The following DLST variants were observed in gnomAD, a reference collection of about 807,000 sequenced individuals.
The protein encoded by DLST is dihydrolipoamide S-succinyltransferase.
DLST carries 17 observed loss-of-function variants against 53.1 expected under a neutral mutation model. The ratio of observed to expected loss-of-function variants is 0.32; its 90% confidence interval spans 0.22 to 0.48. The LOEUF (loss-of-function observed/expected upper bound fraction) is 0.48. Among genes scored for constraint, DLST ranks in the 20% least tolerant of loss-of-function variants. The probability of loss-of-function intolerance (pLI) is 0.99; values close to 1 mark genes in which losing one functional copy is unlikely to be tolerated. For missense variants in DLST, 512 were observed against 583.9 expected (o/e 0.88, Z 1.27); for synonymous variants, 206 against 204.8 (o/e 1.01, Z -0.05).
chr14:74,893,382 A>G lies in DLST; in HGVS notation c.630A>G (p.Leu210=). The stretch of plus-strand genomic sequence containing the variant: ...TAAAACCCACTGTTGCCCCACCACT[A>G]GCTGAGCCAGGAGCTGGCAAAGGTC... ...SAVKPTVAPP[L]AEPGAGKGLR... Residue 210 remains leucine (L), a synonymous_variant, in exon 9 of 15, where the codon CTA becomes CTG. Transcript: ENST00000334220. 2 of 1,614,212 alleles carry G rather than the reference A, an allele frequency of 1.2e-6. No individual in the cohort carries two copies. Among genetic ancestry groups the G allele is most frequent in the Non-Finnish European group, 1.7e-6 (2 of 1,180,030 alleles).
In DLST at chr14:74,900,389, T is replaced by C. The variant is rs766138841; in HGVS notation, c.1059+17T>C. On this transcript the variant is annotated intron_variant, in intron 13 of 14. Transcript: ENST00000334220. ...GGAGAGAAGGTAAAGTAGAAAGATG[T>C]ATACAAGCTGCTAAGCAGGCGAGGG... 40 of 1,609,226 alleles carry C rather than the reference T, an allele frequency of 2.5e-5. No homozygotes were observed. The highest frequency in any genetic ancestry group is 3.4e-5 in the Non-Finnish European group (40 of 1,175,912).
chr14:74,893,023 A>T (rs1289106686), intron 8 of DLST, 37 bp downstream of exon 8: 6 of 1,593,548 alleles, frequency 3.8e-6, no homozygotes, highest in Non-Finnish European at 5.1e-6. Context: ...GTGGGAGAAC[A>T]TCTCGTCTAA....
At chr14:74,894,272 G>A in intron 9 of DLST, 40 bp from the exon 10 acceptor site, 17 of 1,610,594 alleles carry the variant, frequency 1.1e-5, no homozygotes, top group Non-Finnish European at 1.4e-5. Flanking sequence ...TTGACCCAGA[G>A]AGATCAGATT....
rs368770595 is a variant in DLST, at chr14:74,893,071, G to C, written c.595+85G>C. Reference sequence around the variant, plus strand: ...AAGGGTAAACTCTAGACTGATGATGGTTCTGAACAGGCCAGGTTGGCTGCT... The same window carrying C: ...AAGGGTAAACTCTAGACTGATGATGCTTCTGAACAGGCCAGGTTGGCTGCT... On this transcript the variant is annotated intron_variant, in intron 8 of 14. Coordinates refer to ENST00000334220, the MANE Select transcript of DLST (RefSeq NM_001933.5). The C allele has an allele frequency of 8.1e-5, 119 of 1,467,066 alleles. 2 individuals carry two copies. In the South Asian group the frequency reaches 1.6e-3, roughly 19 times the overall value. The allele number at this position is 1,467,066 out of a possible 1,614,324, so 90.9% of individuals were successfully genotyped here. A position where few individuals can be genotyped will look rare whatever the true frequency, so the allele number is the denominator to read the frequency against.
intron 10 of DLST, among the ~76,000 whole-genome samples, chr14:74,895,398 A>T (rs1195948707): frequency 6.6e-6 from 1 of 152,220 alleles, no homozygotes; most frequent in Admixed American, 6.5e-5. Context: ...CACTGTCAGG[A>T]AGAGAAATTT....
intron 5 of DLST, 170 bp downstream of exon 5, chr14:74,889,519 C>T (rs1282314034): frequency 4.9e-6 from 3 of 607,862 alleles, no homozygotes; most frequent in Non-Finnish European, 8.5e-6. Flanking sequence ...CAGGTGCCCA[C>T]CACCATGCCT....
chr14:74,894,765 T>C (rs1004354307), intron 10 of DLST, among the ~76,000 whole-genome samples: 6 of 151,974 alleles, frequency 3.9e-5, no homozygotes, highest in African/African-American at 1.4e-4. Flanking sequence ...GCCAGGATGG[T>C]CTCGATCTCC....
At chr14:74,898,628 TC>T in intron 11 of DLST, 129 bp downstream of exon 11, 1 of 1,172,272 alleles carries the variant, frequency 8.5e-7, no homozygotes. Context: ...ATCAGTATCT[TC>T]CCCAGGGATT....
chr14:74,899,490 TC>T (rs1301742280), intron 11 of DLST, among the ~76,000 whole-genome samples: 4 of 152,146 alleles, frequency 2.6e-5, no homozygotes, highest in African/African-American at 9.7e-5. Context: ...TCTCCCCTCT[TC>T]CTCTTGTTGA....
rs374911682 is a variant in DLST, at chr14:74,881,948, G to T, written c.-6G>T. The T allele has an allele frequency of 1.9e-6, 3 of 1,550,968 alleles. No homozygotes were observed. The highest frequency in any genetic ancestry group is 2.6e-6 in the Non-Finnish European group (3 of 1,155,530). On this transcript the variant is annotated 5_prime_UTR_variant, in exon 1 of 15. Transcript: ENST00000334220. ...GTGTCCGCCCGCCCTCGGCTCCTCC[G>T]CCGTGATGCTGTCCCGATCCCGCTG...
chr14:74,887,338 ATG>A (rs1484501303), intron 3 of DLST, among the ~76,000 whole-genome samples: 1 of 152,180 alleles, frequency 6.6e-6, no homozygotes. Context: ...GAGATTCAAA[ATG>A]TATTACTCAT....
At chr14:74,893,617 G>C (rs1170774835) in intron 9 of DLST, among the ~76,000 whole-genome samples, 193 bp downstream of exon 9, 2 of 152,168 alleles carry the variant, frequency 1.3e-5, no homozygotes, top group Non-Finnish European at 2.9e-5. Context: ...GAGGTCTTCT[G>C]AACACTTGTT....
chr14:74,892,798 A>G, intron 7 of DLST, 36 bp from the exon 8 acceptor site: 5 of 1,551,722 alleles, frequency 3.2e-6, no homozygotes, highest in Non-Finnish European at 4.3e-6. Flanking sequence ...CTCATTTCAG[A>G]CAGTGCCAGT....
Position 74,889,275 on chromosome 14 carries a change from A to G in DLST, c.200A>G (p.Lys67Arg), listed in dbSNP as rs201737883. Residue 67 changes from lysine to arginine, a missense_variant and splice_region_variant, in exon 5 of 15, where the codon AAG becomes AGG. Transcript: ENST00000334220. ...ATTTTCTTTTTTGCATTTTTCCTAG[A>G]GGATGACTTGGTTACAGTCAAAACC... is the stretch of plus-strand genomic sequence containing the variant. ...VRFFRTTAVC[K>R]DDLVTVKTPA... is the part of the protein sequence containing the mutation. 2.4e-5 allele frequency: 39 copies of G among 1,612,580 alleles called. No homozygotes were observed. In the African/African-American group the frequency reaches 5.2e-4, roughly 22 times the overall value.
chr14:74,898,560 T>C, intron 11 of DLST, 61 bp downstream of exon 11: 1 of 1,553,978 alleles, frequency 6.4e-7, no homozygotes, highest in Non-Finnish European at 8.7e-7. Context: ...AGCACAGACC[T>C]GCTCCCACAT....
intron 11 of DLST, among the ~76,000 whole-genome samples, chr14:74,899,023 C>CA (rs1183447294): frequency 6.6e-6 from 1 of 152,214 alleles, no homozygotes; most frequent in African/African-American, 2.4e-5. Context: ...TTCCTGTTGA[C>CA]ACACTTCTCT....
intron 1 of DLST, 128 bp from the exon 2 acceptor site, chr14:74,882,444 TGCCAGCACGGTGTGTTGCA>T: frequency 1.4e-6 from 1 of 723,506 alleles, no homozygotes; most frequent in Non-Finnish European, 2.4e-6. Context: ...TGATTGGGTC[TGCCAGCACGGTGTGTTGCA>T]TTTACCTTCG....
In DLST at chr14:74,903,062, A is replaced by G. The variant is rs575101945; in HGVS notation, c.*732A>G. Reference sequence around the variant, plus strand: ...ACACCAAGAAGACTCGTCTTGGCACAATCTCACACAGCTGGGGCTGTAGCA... The same window carrying G: ...ACACCAAGAAGACTCGTCTTGGCACGATCTCACACAGCTGGGGCTGTAGCA... On this transcript the variant is annotated 3_prime_UTR_variant, in exon 15 of 15. Coordinates refer to ENST00000334220, the MANE Select transcript of DLST (RefSeq NM_001933.5). 2 of 152,668 alleles carry G rather than the reference A, an allele frequency of 1.3e-5. No homozygotes were observed. Among genetic ancestry groups the G allele is most frequent in the South Asian group, 2.1e-4 (1 of 4,804 alleles). 9.5% of individuals were successfully genotyped at this position (152,668 alleles called of 1,614,324 possible).
At chr14:74,902,116 T>TA in intron 14 of DLST, 80 bp from the exon 15 acceptor site, 1 of 1,401,914 alleles carries the variant, frequency 7.1e-7, no homozygotes, top group Non-Finnish European at 9.5e-7. Context: ...GGAACTTTCT[T>TA]ATGGGCTGTG....
Sources: allele counts gnomAD v4.1 joint callset (sites outside exome capture counted in the v4.1 genomes callset), GRCh38; gene constraint gnomAD v4.1.1; transcripts MANE v1.5; gene names NCBI Gene and HGNC (gene_info 2026-07-23, HGNC 2026-07-21).